GNB1: variants seen among roughly 807,000 people sequenced by gnomAD.
The protein encoded by GNB1 is guanine nucleotide-binding protein G(I)/G(S)/G(T) subunit beta-1.
GNB1 carries 2 observed loss-of-function variants against 42.9 expected under a neutral mutation model. The observed-to-expected ratio is 0.05, with a 90% confidence interval of 0.02 to 0.15. The LOEUF is 0.15. Ranked by LOEUF, GNB1 falls within the 10% of genes least tolerant of loss-of-function variation. GNB1 has a pLI of 1.00. For missense variants in GNB1, 193 were observed against 462.2 expected (o/e 0.42, Z 5.34); for synonymous variants, 183 against 174.7 (o/e 1.05, Z -0.38).
chr1:1,820,496 G>C (rs554448641), intron 3 of GNB1, among the ~76,000 whole-genome samples: 16 of 151,612 alleles, frequency 1.1e-4, no homozygotes, highest in African/African-American at 2.7e-4. Flanking sequence ...AAAAAATCGA[G>C]TATTTCTATG....
Position 1,790,770 on chromosome 1 carries a change from G to C in GNB1, c.498-174C>G, listed in dbSNP as rs112685022. 9.7e-3 allele frequency among the ~76,000 whole-genome samples: 1,476 copies of C among 152,264 alleles called. 10 individuals are homozygous for C. Among genetic ancestry groups the C allele is most frequent in the Non-Finnish European group, 0.015 (1,029 of 68,008 alleles). On this transcript the variant is annotated intron_variant, in intron 8 of 11. Coordinates refer to ENST00000378609, the MANE Select transcript of GNB1 (RefSeq NM_002074.5). The surrounding 1 kb of genome is among the most constrained non-coding windows in gnomAD (Gnocchi z 5.4). ...TTAAATGTAATACAACTTTGGAAGGGAAACAAAGCAAAGCAAGCAAAATTA... is the reference window on the plus strand; with the variant it reads ...TTAAATGTAATACAACTTTGGAAGGCAAACAAAGCAAAGCAAGCAAAATTA...
chr1:1,871,141 C>T (rs1188965296), intron 1 of GNB1, among the ~76,000 whole-genome samples: 1 of 152,060 alleles, frequency 6.6e-6, no homozygotes, highest in African/African-American at 2.4e-5. Flanking sequence ...CCACCTAGTA[C>T]CTGCAGTCCT....
chr1:1,882,689 G>A lies in GNB1; in HGVS notation c.-96+8131C>T, dbSNP rs191082659. 3.0e-3 allele frequency among the ~76,000 whole-genome samples: 451 copies of A among 152,226 alleles called. 2 individuals carry two copies. Among genetic ancestry groups the A allele is most frequent in the African/African-American group, 9.7e-3 (402 of 41,558 alleles). ...TGTAATCCCAGCACTTTGGGAGGCC[G>A]AGGCAGGCAGATCACGAGGTCAGGA... On this transcript the variant is annotated intron_variant, in intron 1 of 11. Transcript: ENST00000378609.
At chr1:1,850,045 T>G (rs1289741283) in intron 1 of GNB1, among the ~76,000 whole-genome samples, 1 of 152,106 alleles carries the variant, frequency 6.6e-6, no homozygotes, top group Non-Finnish European at 1.5e-5. Flanking sequence ...CTCAGCTCAC[T>G]GCAATCTCCG....
In GNB1 at chr1:1,859,883, C is replaced by T. The variant is rs899970181; in HGVS notation, c.-95-20645G>A. Among the ~76,000 whole-genome samples, 8 of 141,122 alleles carry T rather than the reference C, an allele frequency of 5.7e-5. No homozygotes were observed. In the Admixed American group the frequency reaches 5.8e-4, roughly 10 times the overall value. The allele number at this position is 141,122 out of a possible 152,430, so 92.6% of individuals were successfully genotyped here. ...ACAAAAAAGGTGTAAGGAAGGGATC[C>T]ATTTTCAGTTTTTGTTGTGGGGTGG... is the stretch of plus-strand genomic sequence containing the variant. On this transcript the variant is annotated intron_variant, in intron 1 of 11. Transcript: ENST00000378609.
At chr1:1,827,587 T>C (rs9786963) in intron 2 of GNB1, among the ~76,000 whole-genome samples, 126,862 of 152,112 alleles carry the variant, frequency 0.83, 54,772 homozygotes, top group Non-Finnish European at 0.95. Context: ...CTAGCGACTG[T>C]GATTTGTGGA....
At chr1:1,872,453 C>G (rs1354788054) in intron 1 of GNB1, among the ~76,000 whole-genome samples, 2 of 152,206 alleles carry the variant, frequency 1.3e-5, no homozygotes, top group Non-Finnish European at 2.9e-5. Context: ...CAAACTGGGC[C>G]TCTGGCACCT....
At chr1:1,883,878 T>A (rs371328045) in intron 1 of GNB1, among the ~76,000 whole-genome samples, 1 of 152,180 alleles carries the variant, frequency 6.6e-6, no homozygotes, top group African/African-American at 2.4e-5. Flanking sequence ...CCCTAGATTT[T>A]AGGAATTATT....
chr1:1,872,112 CCT>C (rs1649282087), intron 1 of GNB1, among the ~76,000 whole-genome samples: 3 of 151,986 alleles, frequency 2.0e-5, no homozygotes, highest in African/African-American at 7.3e-5. Flanking sequence ...AGCGATGCTC[CCT>C]CCTCAGCCTC....
chr1:1,830,519 G>T (rs534777205), intron 2 of GNB1, among the ~76,000 whole-genome samples: 5 of 152,106 alleles, frequency 3.3e-5, no homozygotes, highest in African/African-American at 7.2e-5. Context: ...GAAGTGCTGG[G>T]ATTACAAGAG....
At chr1:1,815,044 G>A (rs1382293673) in intron 5 of GNB1, among the ~76,000 whole-genome samples, 1 of 151,110 alleles carries the variant, frequency 6.6e-6, no homozygotes, top group Non-Finnish European at 1.5e-5. Context: ...CCCGGGAGGC[G>A]GAGCTTGCAG....
chr1:1,866,234 C>T (rs1303758907), intron 1 of GNB1, among the ~76,000 whole-genome samples: 1 of 152,184 alleles, frequency 6.6e-6, no homozygotes, highest in Non-Finnish European at 1.5e-5. Flanking sequence ...GCCACTGCGC[C>T]CAGCCAGAAA....
chr1:1,789,792 C>T (rs1646458814), intron 9 of GNB1, among the ~76,000 whole-genome samples: 1 of 151,884 alleles, frequency 6.6e-6, no homozygotes, highest in Non-Finnish European at 1.5e-5. Flanking sequence ...ACACTGTGAT[C>T]TTGGACACTG....
At chr1:1,864,337 G>GAAAAAAAAAAAAAAA (rs1245850367) in intron 1 of GNB1, among the ~76,000 whole-genome samples, 1 of 91,160 alleles carries the variant, frequency 1.1e-5, no homozygotes, top group Non-Finnish European at 2.1e-5. Context: ...AAAAAAAAAA[G>GAAAAAAAAAAAAAAA]AAGAAAACCC....
intron 8 of GNB1, among the ~76,000 whole-genome samples, chr1:1,792,715 A>G (rs1170707502): frequency 2.0e-5 from 3 of 147,886 alleles, no homozygotes; most frequent in African/African-American, 2.5e-5. Flanking sequence ...AAAAAAAAAG[A>G]AAAAAATGTG....
intron 1 of GNB1, among the ~76,000 whole-genome samples, chr1:1,849,980 TTTTG>T (rs1206534836): frequency 3.4e-5 from 5 of 147,562 alleles, no homozygotes; most frequent in Admixed American, 6.7e-5. Flanking sequence ...AACACTTTTT[TTTTG>T]TTTGAGATGG....
chr1:1,817,756 G>T, intron 4 of GNB1, 81 bp downstream of exon 4: 1 of 941,780 alleles, frequency 1.1e-6, no homozygotes, highest in Non-Finnish European at 1.7e-6. Flanking sequence ...TGCAAGCAGA[G>T]CCCTCCCGAG....
chr1:1,810,535 C>CAA (rs1213355902), intron 5 of GNB1, among the ~76,000 whole-genome samples: 127 of 72,992 alleles, frequency 1.7e-3, no homozygotes, highest in South Asian at 3.9e-3. Flanking sequence ...GACCCAGTCT[C>CAA]AAAAAAAAAA....
At chr1:1,870,198 T>C (rs1188441418) in intron 1 of GNB1, among the ~76,000 whole-genome samples, 2 of 152,108 alleles carry the variant, frequency 1.3e-5, no homozygotes, top group African/African-American at 2.4e-5. Flanking sequence ...GGGGTTTTGT[T>C]TTTGCTTTTT....
Sources: gnomAD v4.1 joint callset for allele counts (sites outside exome capture counted in the v4.1 genomes callset) on GRCh38, gnomAD v4.1.1 for gene constraint, Gnocchi (gnomAD v3.1) non-coding constraint, MANE v1.5 for transcripts, NCBI Gene and HGNC (gene_info 2026-07-23, HGNC 2026-07-21) for gene names.